The following HDAC4 variants were observed in gnomAD, a reference collection of about 807,000 sequenced individuals.
HDAC4 encodes the protein histone deacetylase A.
HDAC4 carries 16 observed loss-of-function variants against 135.1 expected under a neutral mutation model. That is an observed-to-expected ratio of 0.12 (90% CI 0.08 to 0.18). The LOEUF is 0.18. Ranked by LOEUF, HDAC4 falls within the 10% of genes least tolerant of loss-of-function variation. HDAC4 has a pLI of 1.00. For synonymous variants in HDAC4, 685 were observed against 653.4 expected (o/e 1.05, Z -0.74); for missense variants, 1,143 against 1,511.8 (o/e 0.76, Z 4.05).
chr2:239,061,176 T>A (rs2032650998), intron 24 of HDAC4, among the ~76,000 whole-genome samples: 1 of 152,052 alleles, frequency 6.6e-6, no homozygotes, highest in Admixed American at 6.5e-5. Flanking sequence ...TGTGTATGAA[T>A]GTGCGTGACA....
rs577860990 is a variant in HDAC4 at position 239,156,323 on chromosome 2, T to G, written c.733+329A>C. ...ACATGGCCCACCAACAGGAACTTGC[T>G]TCACCCTGTGACCACTGCGGGGACG... On this transcript the variant is annotated intron_variant, in intron 7 of 26. Transcript: ENST00000543185. Among the ~76,000 whole-genome samples, 3 of 152,320 alleles carry G rather than the reference T, an allele frequency of 2.0e-5. No homozygotes were observed. The East Asian group carries it at 5.8e-4, about 29-fold the overall frequency.
At chr2:239,267,777 A>G (rs2049830139) in intron 2 of HDAC4, among the ~76,000 whole-genome samples, 3 of 152,232 alleles carry the variant, frequency 2.0e-5, no homozygotes, top group Admixed American at 2.0e-4. Flanking sequence ...ATCCCCTCGC[A>G]GGCTTCTCCC....
At chr2:239,236,219 G>A (rs1029098291) in intron 3 of HDAC4, among the ~76,000 whole-genome samples, 4 of 152,198 alleles carry the variant, frequency 2.6e-5, no homozygotes, top group Admixed American at 1.3e-4. Flanking sequence ...CCACGGTCAC[G>A]TGGCCAGTGG....
Position 239,096,018 on chromosome 2 carries a change from C to A in HDAC4, c.2234-962G>T, listed in dbSNP as rs185200749. 1.6e-3 allele frequency among the ~76,000 whole-genome samples: 251 copies of A among 152,264 alleles called. 2 individuals carry two copies. The highest frequency in any genetic ancestry group is 5.8e-3 in the African/African-American group (242 of 41,540). On this transcript the variant is annotated intron_variant, in intron 16 of 26. Coordinates refer to ENST00000543185, the MANE Select transcript of HDAC4 (RefSeq NM_001378414.1). ...TTCTGGCCTCAGCTGGGCTGTACCC[C>A]CCGCTGTGGGGCTCCTCTCCCATTC...
At chr2:239,203,903 G>A (rs192206224) in intron 3 of HDAC4, among the ~76,000 whole-genome samples, 2 of 152,320 alleles carry the variant, frequency 1.3e-5, no homozygotes, top group Admixed American at 6.5e-5. Flanking sequence ...CAAGAAAATA[G>A]GAGCTGATTT....
intron 16 of HDAC4, among the ~76,000 whole-genome samples, chr2:239,097,325 C>A (rs999429823): frequency 6.6e-6 from 1 of 152,216 alleles, no homozygotes; most frequent in Admixed American, 6.5e-5. Flanking sequence ...CTGGCCCTCA[C>A]GCCCACTGAG....
chr2:239,377,101 G>A lies in HDAC4; in HGVS notation c.-220+23877C>T, dbSNP rs1695064955. ...CCAGCCTGCGGGGCCTCTGCCTTCG[G>A]TGCCCAGATGCTGTCCTCCCAAAGC... is the stretch of plus-strand genomic sequence containing the variant. On this transcript the variant is annotated intron_variant, in intron 1 of 26. Transcript: ENST00000543185. 2.0e-5 allele frequency among the ~76,000 whole-genome samples: 3 copies of A among 152,138 alleles called. 1 individual carries two copies. Among genetic ancestry groups the A allele is most frequent in the Admixed American group, 2.0e-4 (3 of 15,280 alleles).
intron 3 of HDAC4, among the ~76,000 whole-genome samples, chr2:239,194,150 AAGG>A (rs1225533068): frequency 2.6e-5 from 4 of 152,322 alleles, no homozygotes; most frequent in African/African-American, 9.6e-5. Flanking sequence ...CTTGGATGCC[AAGG>A]AGGACAGGCA....
chr2:239,296,337 AG>A (rs2051891932), intron 2 of HDAC4, among the ~76,000 whole-genome samples: 1 of 152,374 alleles, frequency 6.6e-6, no homozygotes, highest in South Asian at 2.1e-4. Context: ...CGCCTGGACC[AG>A]GGTCTCTGCA....
At chr2:239,201,843 T>A (rs772233947) in intron 3 of HDAC4, among the ~76,000 whole-genome samples, 2 of 152,248 alleles carry the variant, frequency 1.3e-5, no homozygotes, top group Non-Finnish European at 2.9e-5. Context: ...TTTGTTTTTA[T>A]GTAAATCGGC....
At chr2:239,053,424 G>C in intron 26 of HDAC4, 36 bp downstream of exon 26, 1 of 1,606,678 alleles carries the variant, frequency 6.2e-7, no homozygotes, top group Admixed American at 1.7e-5. Context: ...GTGGGGCTGG[G>C]TGAGCCTGCA....
intron 2 of HDAC4, among the ~76,000 whole-genome samples, chr2:239,311,933 C>T (rs1267769525): frequency 6.6e-6 from 1 of 152,186 alleles, no homozygotes; most frequent in East Asian, 1.9e-4. Flanking sequence ...GAACGGGTTC[C>T]TCTAAAGGTT....
chr2:239,190,120 T>C (rs1435057037), intron 3 of HDAC4, 43 bp from the exon 4 acceptor site: 2 of 1,542,488 alleles, frequency 1.3e-6, no homozygotes, highest in Non-Finnish European at 1.7e-6. Context: ...TGCCGCCCTT[T>C]GCTGTCCCTG....
intron 19 of HDAC4, among the ~76,000 whole-genome samples, chr2:239,085,106 G>A (rs2035807132): frequency 6.6e-6 from 1 of 151,014 alleles, no homozygotes; most frequent in Non-Finnish European, 1.5e-5. Flanking sequence ...CGCTCCTCTG[G>A]TAGGGAACCC....
At chr2:239,101,697 G>A (rs888628745) in intron 16 of HDAC4, among the ~76,000 whole-genome samples, 2 of 152,170 alleles carry the variant, frequency 1.3e-5, no homozygotes, top group Non-Finnish European at 2.9e-5. Context: ...AGGGAAAGAC[G>A]TTATCGAGGA....
chr2:239,176,627 T>C, intron 4 of HDAC4, 64 bp from the exon 5 acceptor site: 1 of 1,535,258 alleles, frequency 6.5e-7, no homozygotes, highest in Non-Finnish European at 8.9e-7. Flanking sequence ...AGAGACCCAA[T>C]GAAGACCCAA....
rs146415610 is a variant in HDAC4 at position 239,369,941 on chromosome 2, G to A, written c.-219-17023C>T. Among the ~76,000 whole-genome samples, 7 of 152,366 alleles carry A rather than the reference G, an allele frequency of 4.6e-5. No individual in the cohort carries two copies. The East Asian group carries it at 1.4e-3, about 29-fold the overall frequency. ...TGGGAACTTCCCATTCCTCCCTGGTGGGCGGAGAGAATCATAGGACCGCCA... is the reference window on the plus strand; with the variant it reads ...TGGGAACTTCCCATTCCTCCCTGGTAGGCGGAGAGAATCATAGGACCGCCA... On this transcript the variant is annotated intron_variant, in intron 1 of 26. Coordinates refer to ENST00000543185, the MANE Select transcript of HDAC4 (RefSeq NM_001378414.1).
chr2:239,355,670 G>T (rs576882093), intron 1 of HDAC4, among the ~76,000 whole-genome samples: 13 of 152,138 alleles, frequency 8.5e-5, no homozygotes, highest in African/African-American at 3.1e-4. Flanking sequence ...TACATTCTGG[G>T]ATACCCTTTT....
intron 16 of HDAC4, among the ~76,000 whole-genome samples, chr2:239,102,012 A>G (rs1390089535): frequency 6.6e-5 from 8 of 121,046 alleles, no homozygotes; most frequent in African/African-American, 1.3e-4. Flanking sequence ...TGTGCCCTGG[A>G]AGCCCCCGGC....
Sources: allele counts gnomAD v4.1 joint callset (sites outside exome capture counted in the v4.1 genomes callset), GRCh38; gene constraint gnomAD v4.1.1; transcripts MANE v1.5; gene names NCBI Gene and HGNC (gene_info 2026-07-23, HGNC 2026-07-21).